SCN3A: variants seen among roughly 807,000 people sequenced by gnomAD.
The protein encoded by SCN3A is sodium voltage-gated channel alpha subunit 3.
Under a neutral mutation model 187.6 loss-of-function variants are expected in SCN3A, and 60 were observed. The observed-to-expected ratio is 0.32, with a 90% CI of 0.26 to 0.40. The LOEUF is 0.40. Ranked by LOEUF, SCN3A falls within the 10% of genes least tolerant of loss-of-function variation. The probability of loss-of-function intolerance (pLI) is 1.00; values close to 1 mark genes in which losing one functional copy is unlikely to be tolerated. For missense variants in SCN3A, 1,601 were observed against 2,428.2 expected (o/e 0.66, Z 7.16); for synonymous variants, 788 against 829.2 (o/e 0.95, Z 0.85).
At chr2:165,122,653 T>C (rs1228253505) in intron 18 of SCN3A, 7 of 152,222 alleles carry the variant, frequency 4.6e-5, no homozygotes, top group African/African-American at 1.7e-4. Context: ...ATTGCCCATC[T>C]CGCCTGACCA....
intron 9 of SCN3A, among the ~76,000 whole-genome samples, chr2:165,157,336 G>T (rs1402361569): frequency 6.6e-6 from 1 of 152,060 alleles, no homozygotes; most frequent in Non-Finnish European, 1.5e-5. Context: ...CCTTGTTTTT[G>T]ATGACCACAA....
At chr2:165,166,124 G>A (rs1300612098) in intron 5 of SCN3A, among the ~76,000 whole-genome samples, 1 of 152,146 alleles carries the variant, frequency 6.6e-6, no homozygotes, top group Non-Finnish European at 1.5e-5. Flanking sequence ...TTATGCTGAG[G>A]CAATTCTGTC....
At chr2:165,196,257 A>G (rs1295463119) in intron 1 of SCN3A, among the ~76,000 whole-genome samples, 1 of 152,008 alleles carries the variant, frequency 6.6e-6, no homozygotes, top group African/African-American at 2.4e-5. Flanking sequence ...ACACACATTC[A>G]TCATAACCCT....
At chr2:165,113,133 A>T in intron 20 of SCN3A, 75 bp from the exon 21 acceptor site, 1 of 1,071,376 alleles carries the variant, frequency 9.3e-7, no homozygotes, top group Non-Finnish European at 1.4e-6. Context: ...GCTTAGTATA[A>T]TAGTGAGTAC....
Position 165,091,233 on chromosome 2 carries a change from C to T in SCN3A, c.4920G>A (p.Gly1640=). Residue 1640 remains glycine, a synonymous_variant, in exon 28 of 28, where the codon GGG becomes GGA. Coordinates refer to ENST00000283254, the MANE Select transcript of SCN3A (RefSeq NM_006922.4). ...RILRLIKGAK[G]IRTLLFALMM... ...TCAAAGCAAAGAGCAGCGTGCGGATCCCCTTTGCTCCTTTGATCAGACGTA... is the reference window on the plus strand; with the variant it reads ...TCAAAGCAAAGAGCAGCGTGCGGATTCCCTTTGCTCCTTTGATCAGACGTA... 2 of 1,614,062 alleles carry T rather than the reference C, an allele frequency of 1.2e-6. No homozygotes were observed. Among genetic ancestry groups the T allele is most frequent in the East Asian group, 4.5e-5 (2 of 44,876 alleles).
chr2:165,128,093 G>A lies in SCN3A; in HGVS notation c.2931C>T (p.Asn977=). Residue 977 remains asparagine, a synonymous_variant, in exon 18 of 28, where the codon AAC becomes AAT. Coordinates refer to ENST00000283254, the MANE Select transcript of SCN3A (RefSeq NM_006922.4). ...VMVIGNLVVL[N]LFLALLLSSF... ...AACTCAACAATAAGGCCAGAAAGAG[G>A]TTCAGAACCTAAAAGAAAAAAAGAA... The A allele has an allele frequency of 6.2e-7, 1 of 1,607,560 alleles. No individual in the cohort carries two copies. Among genetic ancestry groups the A allele is most frequent in the Non-Finnish European group, 8.5e-7 (1 of 1,178,314 alleles).
intron 26 of SCN3A, chr2:165,093,686 A>C (rs191467760): frequency 3.9e-5 from 6 of 152,180 alleles, no homozygotes; most frequent in African/African-American, 7.2e-5. Context: ...TACTCTTATA[A>C]ATATGGTAAA....
chr2:165,164,569 A>T (rs769131683), intron 5 of SCN3A, 49 bp from the exon 6 acceptor site: 1 of 1,603,732 alleles, frequency 6.2e-7, no homozygotes, highest in Non-Finnish European at 8.5e-7. Context: ...TGAACTGTTA[A>T]AATAAATGTT....
chr2:165,154,444 C>T lies in SCN3A; in HGVS notation c.1380+8G>A, dbSNP rs993972991. 13 of 1,613,632 alleles carry T rather than the reference C, an allele frequency of 8.1e-6. No homozygotes were observed. The highest frequency in any genetic ancestry group is 1.1e-5 in the Non-Finnish European group (13 of 1,179,614). On this transcript the variant is annotated splice_region_variant and intron_variant, in intron 11 of 27. Coordinates refer to ENST00000283254, the MANE Select transcript of SCN3A (RefSeq NM_006922.4). The stretch of plus-strand genomic sequence containing the variant: ...TAATGATAAATCTTTGCTTTTATCA[C>T]TCAGTACCTGAGCTTCTTCCTGTTG...
At chr2:165,115,364 G>A (rs765699753) in intron 19 of SCN3A, 91 bp downstream of exon 19, 26 of 1,557,672 alleles carry the variant, frequency 1.7e-5, no homozygotes, top group Non-Finnish European at 2.2e-5. Context: ...ACCACACCTC[G>A]TTTCATAAAT....
chr2:165,151,470 C>G (rs1179563117), intron 11 of SCN3A, among the ~76,000 whole-genome samples: 1 of 152,118 alleles, frequency 6.6e-6, no homozygotes, highest in Admixed American at 6.6e-5. Flanking sequence ...TCTCCTGAAG[C>G]AACCAATAAA....
At chr2:165,142,723 GTGT>G (rs4001045) in intron 12 of SCN3A, among the ~76,000 whole-genome samples, 23,987 of 148,704 alleles carry the variant, frequency 0.16, 2,781 homozygotes, top group East Asian at 0.48. Context: ...TCCAGAACTC[GTGT>G]TGTTGTTGTT....
In SCN3A at chr2:165,097,354, G is replaced by T. The variant is rs1184787157; in HGVS notation, c.4137C>A (p.Asn1379Lys). Residue 1379 changes from asparagine to lysine, a missense_variant, in exon 23 of 28, where the codon AAC becomes AAA. This residue lies in a region of SCN3A where 320 missense variants were observed against 623.2 expected (regional missense o/e 0.51). Transcript: ENST00000283254. ...CAAGAGCCTGACAGTCACTCAAATT[G>T]TTAACATCACTAATGTCAAACATGT... is the stretch of plus-strand genomic sequence containing the variant. ...TGNMFDISDVNNLSDCQALGK... is the reference protein window; with the variant it reads ...TGNMFDISDVKNLSDCQALGK... 2 of 1,613,888 alleles carry T rather than the reference G, an allele frequency of 1.2e-6. No individual in the cohort carries two copies. The highest frequency in any genetic ancestry group is 1.7e-6 in the Non-Finnish European group (2 of 1,179,988).
chr2:165,149,771 A>C (rs997127480), intron 11 of SCN3A, among the ~76,000 whole-genome samples: 5 of 152,218 alleles, frequency 3.3e-5, no homozygotes, highest in Non-Finnish European at 7.3e-5. Context: ...AACTTGCTGA[A>C]TTCCTCTTTT....
intron 11 of SCN3A, among the ~76,000 whole-genome samples, chr2:165,154,183 T>A (rs570370665): frequency 6.6e-6 from 1 of 152,066 alleles, no homozygotes; most frequent in Admixed American, 6.6e-5. Context: ...ATTAAATTCC[T>A]CTCTTAGGTT....
chr2:165,197,231 G>C (rs1692021547), intron 1 of SCN3A, among the ~76,000 whole-genome samples: 1 of 152,078 alleles, frequency 6.6e-6, no homozygotes, highest in African/African-American at 2.4e-5. Flanking sequence ...CCGCTGGTTA[G>C]CACTTTGAAA....
intron 12 of SCN3A, among the ~76,000 whole-genome samples, chr2:165,142,773 CAG>C (rs1253756260): frequency 7.2e-6 from 1 of 138,854 alleles, no homozygotes; most frequent in Non-Finnish European, 1.6e-5. Context: ...TGTTTTGAGG[CAG>C]AGTTTCGCTC....
intron 19 of SCN3A, 152 bp from the exon 20 acceptor site, chr2:165,114,122 G>A (rs1354252664): frequency 1.1e-5 from 6 of 553,710 alleles, no homozygotes; most frequent in South Asian, 2.8e-5. Context: ...CATCCCTCCT[G>A]TATAATGAAT....
At chr2:165,200,717 GA>G (rs1269406572) in intron 1 of SCN3A, among the ~76,000 whole-genome samples, 3 of 152,026 alleles carry the variant, frequency 2.0e-5, no homozygotes, top group Non-Finnish European at 4.4e-5. Context: ...TCAGTTTAAA[GA>G]GGCCTAGGGT....
Sources: allele counts gnomAD v4.1 joint callset (sites outside exome capture counted in the v4.1 genomes callset), GRCh38; gene constraint gnomAD v4.1.1; regional missense constraint gnomAD v4.1.1; transcripts MANE v1.5; gene names NCBI Gene and HGNC (gene_info 2026-07-23, HGNC 2026-07-21).